The following KCNAB1 variants were observed in gnomAD, a reference collection of about 807,000 sequenced individuals.
KCNAB1 encodes potassium voltage-gated channel subfamily A regulatory beta subunit 1.
Under a neutral mutation model 64.6 loss-of-function variants are expected in KCNAB1, and 35 were observed. That is an observed-to-expected ratio of 0.54 (90% CI 0.41 to 0.72). The LOEUF (loss-of-function observed/expected upper bound fraction) is 0.72, where lower values mean the gene tolerates loss of function less well. Ranked by LOEUF, KCNAB1 falls within the 30% of genes least tolerant of loss-of-function variation. The pLI, the probability that KCNAB1 is intolerant of heterozygous loss-of-function variation, is 0.00. For synonymous variants in KCNAB1, 177 were observed against 183.8 expected (o/e 0.96, Z 0.30); for missense variants, 401 against 512.9 (o/e 0.78, Z 2.11).
intron 8 of KCNAB1, among the ~76,000 whole-genome samples, chr3:156,504,833 A>G (rs530957798): frequency 1.3e-5 from 2 of 151,644 alleles, no homozygotes; most frequent in South Asian, 4.2e-4. Flanking sequence ...TAATTCACAA[A>G]TATTTTCTCC....
At chr3:156,517,177 A>G (rs1205806994) in intron 11 of KCNAB1, among the ~76,000 whole-genome samples, 1 of 152,226 alleles carries the variant, frequency 6.6e-6, no homozygotes, top group Non-Finnish European at 1.5e-5. Flanking sequence ...GCCTGACACA[A>G]CTTCTTGCCT....
intron 1 of KCNAB1, among the ~76,000 whole-genome samples, chr3:156,370,172 G>A (rs1350417104): frequency 6.6e-6 from 1 of 152,200 alleles, no homozygotes; most frequent in Non-Finnish European, 1.5e-5. Context: ...TAAGAGAGGA[G>A]TTGAGCTTCA....
At chr3:156,409,144 G>C (rs1714463922) in intron 1 of KCNAB1, among the ~76,000 whole-genome samples, 1 of 152,080 alleles carries the variant, frequency 6.6e-6, no homozygotes, top group Admixed American at 6.5e-5. Flanking sequence ...CTTCTTTAGG[G>C]CTGTGCCAAA....
At position 156,245,581 on chromosome 3, in the gene KCNAB1, T is replaced by A. The variant is rs558759912; in HGVS notation, c.275+124695T>A. ...AATGTGAATTATATATGTATATATTTAAGGAAAAATTCCCTTTACTATATA... is the reference window on the plus strand; with the variant it reads ...AATGTGAATTATATATGTATATATTAAAGGAAAAATTCCCTTTACTATATA... On this transcript the variant is annotated intron_variant, in intron 1 of 13. Coordinates refer to ENST00000490337, the MANE Select transcript of KCNAB1 (RefSeq NM_172160.3). Among the ~76,000 whole-genome samples, 13 of 152,288 alleles carry A rather than the reference T, an allele frequency of 8.5e-5. No homozygotes were observed. The South Asian group carries it at 1.2e-3, about 15-fold the overall frequency.
At chr3:156,212,734 G>A (rs751560874) in intron 1 of KCNAB1, among the ~76,000 whole-genome samples, 1 of 152,150 alleles carries the variant, frequency 6.6e-6, no homozygotes, top group East Asian at 1.9e-4. Flanking sequence ...AGCACTTCAG[G>A]CAGAGGAACT....
intron 8 of KCNAB1, among the ~76,000 whole-genome samples, chr3:156,505,940 C>T (rs1716808427): frequency 6.6e-6 from 1 of 152,132 alleles, no homozygotes; most frequent in Non-Finnish European, 1.5e-5. Context: ...GAGATGATGC[C>T]AAACCATTCA....
intron 1 of KCNAB1, among the ~76,000 whole-genome samples, chr3:156,155,198 T>G (rs1193329201): frequency 6.6e-6 from 1 of 152,168 alleles, no homozygotes; most frequent in Non-Finnish European, 1.5e-5. Flanking sequence ...CTGAACCATC[T>G]ACCTATCCCC....
intron 4 of KCNAB1, among the ~76,000 whole-genome samples, chr3:156,458,064 C>G (rs564054116): frequency 6.6e-6 from 1 of 152,278 alleles, no homozygotes; most frequent in Admixed American, 6.5e-5. Context: ...AAGTCAGGAT[C>G]CCCCAAGATG....
At chr3:156,532,015 G>A (rs113143070) in intron 13 of KCNAB1, among the ~76,000 whole-genome samples, 2 of 152,124 alleles carry the variant, frequency 1.3e-5, no homozygotes, top group African/African-American at 2.4e-5. Flanking sequence ...CTTTTCCACG[G>A]TTTTCCAGTT....
At chr3:156,222,047 G>C (rs1715800240) in intron 1 of KCNAB1, among the ~76,000 whole-genome samples, 1 of 152,084 alleles carries the variant, frequency 6.6e-6, no homozygotes, top group African/African-American at 2.4e-5. Context: ...GCAACAAAAA[G>C]CATGATGAAT....
intron 13 of KCNAB1, among the ~76,000 whole-genome samples, chr3:156,534,510 G>A (rs1204029161): frequency 2.6e-5 from 4 of 152,018 alleles, no homozygotes; most frequent in Admixed American, 6.6e-5. Context: ...AGAAGGCCAG[G>A]CTCCACAGCA....
chr3:156,514,241 CTAATT>C lies in KCNAB1; in HGVS notation c.659-121_659-117del, dbSNP rs72558054. On this transcript the variant is annotated intron_variant, in intron 8 of 13. Transcript: ENST00000490337. ...CTATAATGTTGTCACCAATATTAGGCTAATTTTATTAATCAAACAAACAATTGCAT... is the reference window on the plus strand; with the variant it reads ...CTATAATGTTGTCACCAATATTAGGCTTATTAATCAAACAAACAATTGCAT... 660 of 696,940 alleles carry C rather than the reference CTAATT, an allele frequency of 9.5e-4. 3 individuals carry two copies. The African/African-American group carries it at 0.01, about 11-fold the overall frequency. The allele number at this position is 696,940 out of a possible 1,614,324, so 43.2% of individuals were successfully genotyped here. A position where few individuals can be genotyped will look rare whatever the true frequency, so the allele number is the denominator to read the frequency against.
At chr3:156,511,096 T>C (rs1384248501) in intron 8 of KCNAB1, among the ~76,000 whole-genome samples, 1 of 152,066 alleles carries the variant, frequency 6.6e-6, no homozygotes, top group Non-Finnish European at 1.5e-5. Context: ...ACATCTCCCC[T>C]TTATTTTTTA....
rs1335521014 is a variant in KCNAB1, at chr3:156,180,320, C to T, written c.275+59434C>T. 4.6e-5 allele frequency among the ~76,000 whole-genome samples: 7 copies of T among 152,238 alleles called. No homozygotes were observed. In the South Asian group the frequency reaches 6.2e-4, roughly 13 times the overall value. ...GAGCCAAGCATGGAACCAGATTAGT[C>T]TGACTCATAAACCAATGTTTGTTTA... On this transcript the variant is annotated intron_variant, in intron 1 of 13. Coordinates refer to ENST00000490337, the MANE Select transcript of KCNAB1 (RefSeq NM_172160.3).
intron 1 of KCNAB1, among the ~76,000 whole-genome samples, chr3:156,354,304 A>G (rs1318608172): frequency 6.6e-6 from 1 of 151,376 alleles, no homozygotes; most frequent in Non-Finnish European, 1.5e-5. Flanking sequence ...CTGGGATTAC[A>G]GGCATGCACC....
chr3:156,365,988 TCTC>T (rs1368358795), intron 1 of KCNAB1, among the ~76,000 whole-genome samples: 5 of 152,172 alleles, frequency 3.3e-5, no homozygotes, highest in African/African-American at 4.8e-5. Context: ...AAAATGTTCT[TCTC>T]CTCAGCCTTT....
At chr3:156,170,846 A>G (rs1306671945) in intron 1 of KCNAB1, among the ~76,000 whole-genome samples, 1 of 152,136 alleles carries the variant, frequency 6.6e-6, no homozygotes, top group Non-Finnish European at 1.5e-5. Context: ...GGCCAAATTT[A>G]TGTGGTGTGA....
intron 1 of KCNAB1, among the ~76,000 whole-genome samples, chr3:156,213,212 TCAC>T (rs1449094165): frequency 1.0e-5 from 1 of 98,974 alleles, no homozygotes; most frequent in Admixed American, 1.4e-4. Context: ...TCAGTCTCTT[TCAC>T]TTTTTTTTTT....
At chr3:156,174,817 C>G (rs927335242) in intron 1 of KCNAB1, among the ~76,000 whole-genome samples, 2 of 152,204 alleles carry the variant, frequency 1.3e-5, no homozygotes, top group East Asian at 3.8e-4. Context: ...ACCAGGAAGA[C>G]TGGGCTTGGG....
Sources: allele counts gnomAD v4.1 joint callset (sites outside exome capture counted in the v4.1 genomes callset), GRCh38; gene constraint gnomAD v4.1.1; transcripts MANE v1.5; gene names NCBI Gene and HGNC (gene_info 2026-07-23, HGNC 2026-07-21).